The following NUCB2 variants were observed in gnomAD, a reference collection of about 807,000 sequenced individuals.
NUCB2 encodes nucleobindin 2.
Under a neutral mutation model 57.9 loss-of-function variants are expected in NUCB2, and 48 were observed. That is an observed-to-expected ratio of 0.83 (90% CI 0.66 to 1.05). NUCB2 has a LOEUF of 1.05. Among genes scored for constraint, NUCB2 ranks in the 50% least tolerant of loss-of-function variants. NUCB2 has a pLI of 0.00. For missense variants in NUCB2, 442 were observed against 476.2 expected (o/e 0.93, Z 0.67); for synonymous variants, 139 against 152.1 (o/e 0.91, Z 0.64).
rs541843333 is a variant in NUCB2 at position 17,282,770 on chromosome 11, T to C, written c.-155-19T>C. Reference sequence around the variant, plus strand: ...TTTGTGTCTTTTATTTATTTATTTTTATTTTTTTTTACATTTAGAACGTGT... The same window carrying C: ...TTTGTGTCTTTTATTTATTTATTTTCATTTTTTTTTACATTTAGAACGTGT... On this transcript the variant is annotated intron_variant, in intron 1 of 13. Coordinates refer to ENST00000529010, the MANE Select transcript of NUCB2 (RefSeq NM_005013.4). 3.2e-4 allele frequency: 48 copies of C among 152,278 alleles called. No individual in the cohort carries two copies. Among genetic ancestry groups the C allele is most frequent in the African/African-American group, 1.1e-3 (46 of 41,576 alleles). 9.4% of individuals were successfully genotyped at this position (152,278 alleles called of 1,614,324 possible).
chr11:17,285,853 A>G (rs1414823617), intron 2 of NUCB2, among the ~76,000 whole-genome samples: 3 of 151,288 alleles, frequency 2.0e-5, no homozygotes, highest in Admixed American at 6.6e-5. Context: ...ATCTATGGTA[A>G]TTTTTTTTAA....
intron 11 of NUCB2, among the ~76,000 whole-genome samples, chr11:17,322,142 G>A (rs189775571): frequency 2.0e-5 from 3 of 152,114 alleles, no homozygotes; most frequent in East Asian, 1.9e-4. Flanking sequence ...CTGTGCTTAC[G>A]GATATTACTC....
intron 1 of NUCB2, among the ~76,000 whole-genome samples, 161 bp from the exon 2 acceptor site, chr11:17,282,628 A>G (rs1041063074): frequency 6.6e-6 from 1 of 152,116 alleles, no homozygotes; most frequent in Non-Finnish European, 1.5e-5. Flanking sequence ...CCTTAATGGA[A>G]TATGATATAA....
intron 5 of NUCB2, 50 bp downstream of exon 5, chr11:17,301,920 A>G (rs1347549252): frequency 6.5e-7 from 1 of 1,530,752 alleles, no homozygotes; most frequent in Non-Finnish European, 8.9e-7. Flanking sequence ...TTCCTTTTGA[A>G]ACAGCGTTTT....
At chr11:17,292,409 G>A (rs1477954108) in intron 2 of NUCB2, among the ~76,000 whole-genome samples, 2 of 152,170 alleles carry the variant, frequency 1.3e-5, no homozygotes, top group Non-Finnish European at 2.9e-5. Context: ...AAATAATAGA[G>A]CAAAGGGAGG....
rs527423714 is a variant in NUCB2 at position 17,338,973 on chromosome 11, T to TTTTTA, written n.2626+1453_2626+1457dup. Among the ~76,000 whole-genome samples the TTTTTA allele has an allele frequency of 2.5e-3, 372 of 150,308 alleles. 2 individuals are homozygous for TTTTTA. The highest frequency in any genetic ancestry group is 7.0e-3 in the Middle Eastern group (2 of 284). On this transcript the variant is annotated intron_variant and non_coding_transcript_variant, in intron 2 of 2. Transcript: ENST00000532240. The stretch of plus-strand genomic sequence containing the variant: ...GCCACCGTGCCTGGCCTATTTTTAT[T>TTTTTA]TTTTATTTTATTTTATTTATTTATT...
At chr11:17,343,249 G>C (rs529441139) in intron 2 of NUCB2, among the ~76,000 whole-genome samples, 1 of 152,036 alleles carries the variant, frequency 6.6e-6, no homozygotes, top group South Asian at 2.1e-4. Context: ...CACACTGATG[G>C]GTCTTGACGC....
chr11:17,309,498 T>C, intron 5 of NUCB2, 74 bp from the exon 6 acceptor site: 1 of 865,544 alleles, frequency 1.2e-6, no homozygotes, highest in Non-Finnish European at 1.8e-6. Flanking sequence ...ATATGAAATC[T>C]TTTTCTTGTG....
chr11:17,343,380 T>A (rs1952452188), intron 2 of NUCB2, among the ~76,000 whole-genome samples: 1 of 152,242 alleles, frequency 6.6e-6, no homozygotes, highest in African/African-American at 2.4e-5. Context: ...TTATTTCTGC[T>A]CAACTTTAGT....
At chr11:17,303,884 C>CAAAAAA (rs1237614290) in intron 5 of NUCB2, among the ~76,000 whole-genome samples, 3 of 54,636 alleles carry the variant, frequency 5.5e-5, no homozygotes, top group South Asian at 5.8e-4. Flanking sequence ...GACTCCATCT[C>CAAAAAA]AAAAAAAAAA....
At chr11:17,341,851 C>T (rs1309026792) in intron 2 of NUCB2, among the ~76,000 whole-genome samples, 1 of 152,126 alleles carries the variant, frequency 6.6e-6, no homozygotes, top group Non-Finnish European at 1.5e-5. Context: ...AGGGAGGATT[C>T]CCTCTTTTTC....
chr11:17,310,688 T>A, intron 6 of NUCB2, 137 bp from the exon 7 acceptor site: 1 of 552,470 alleles, frequency 1.8e-6, no homozygotes, highest in Non-Finnish European at 3.1e-6. Context: ...AATGGTAGAA[T>A]TTAAAAAGAG....
chr11:17,307,793 C>G (rs1164757636), intron 5 of NUCB2, among the ~76,000 whole-genome samples: 3 of 151,688 alleles, frequency 2.0e-5, no homozygotes, highest in African/African-American at 7.3e-5. Flanking sequence ...GTGGAATTGC[C>G]AAATCAAATT....
intron 2 of NUCB2, among the ~76,000 whole-genome samples, chr11:17,288,401 C>G (rs146147943): frequency 0.016 from 2,392 of 152,206 alleles, 139 homozygotes; most frequent in Admixed American, 0.1. Context: ...AATCATAGCT[C>G]CCTGCAGCCT....
Position 17,311,292 on chromosome 11 carries a change from T to TATAAATA in NUCB2, c.760+9_760+10insATAAATA, listed in dbSNP as rs2138924568. 1 of 1,537,190 alleles carries TATAAATA rather than the reference T, an allele frequency of 6.5e-7. No homozygotes were observed. Among genetic ancestry groups the TATAAATA allele is most frequent in the East Asian group, 2.3e-5 (1 of 44,354 alleles). ...ATTTTTCAAATTACATGGTAACGAT[T>TATAAATA]TGATACAAATATTAATATTTATATC... On this transcript the variant is annotated intron_variant, in intron 8 of 13. Transcript: ENST00000529010.
At chr11:17,344,336 G>A (rs1356777177) in intron 2 of NUCB2, among the ~76,000 whole-genome samples, 1 of 152,086 alleles carries the variant, frequency 6.6e-6, no homozygotes, top group Non-Finnish European at 1.5e-5. Context: ...GAAAGACTAG[G>A]GTGTTAATTC....
chr11:17,315,442 A>T lies in NUCB2; in HGVS notation c.969A>T (p.Glu323Asp), dbSNP rs1158341995. The T allele has an allele frequency of 6.2e-7, 1 of 1,612,310 alleles. No individual in the cohort carries two copies. The highest frequency in any genetic ancestry group is 1.1e-5 in the South Asian group (1 of 90,928). ...TGGAGGAGTTTTTGAAAGCCACAGA[A>T]AAAAAAGAATTCTTGGAGCCAGATA... ...VTLEEFLKATEKKEFLEPDSW... is the reference protein window; with the variant it reads ...VTLEEFLKATDKKEFLEPDSW... Residue 323 changes from glutamate to aspartate, a missense_variant, in exon 11 of 14, where the codon GAA becomes GAT. Coordinates refer to ENST00000529010, the MANE Select transcript of NUCB2 (RefSeq NM_005013.4).
downstream of NUCB2, chr11:17,333,228 T>G (rs11024256): frequency 0.3 from 45,489 of 152,046 alleles, 7,569 homozygotes; most frequent in East Asian, 0.52. Flanking sequence ...TTTACTTTCT[T>G]GGAGGTTTTT....
At chr11:17,298,980 T>C (rs1242551068) in intron 4 of NUCB2, among the ~76,000 whole-genome samples, 2 of 152,262 alleles carry the variant, frequency 1.3e-5, no homozygotes, top group Non-Finnish European at 2.9e-5. Flanking sequence ...ATTATAGGCG[T>C]GAGCCACCAT....
Sources: allele counts gnomAD v4.1 joint callset (sites outside exome capture counted in the v4.1 genomes callset), GRCh38; gene constraint gnomAD v4.1.1; transcripts MANE v1.5; gene names NCBI Gene and HGNC (gene_info 2026-07-23, HGNC 2026-07-21).